POLD1: variants seen among roughly 807,000 people sequenced by gnomAD.
POLD1 encodes DNA polymerase delta 1, catalytic subunit.
Under a neutral mutation model 129.7 loss-of-function variants are expected in POLD1, and 79 were observed. The ratio of observed to expected loss-of-function variants is 0.61; its 90% CI spans 0.51 to 0.73. POLD1 has a LOEUF of 0.73. Ranked by LOEUF, POLD1 falls within the 30% of genes least tolerant of loss-of-function variation. POLD1 has a pLI of 0.00. For synonymous variants in POLD1, 714 were observed against 683.3 expected (o/e 1.04, Z -0.70); for missense variants, 1,338 against 1,595.8 (o/e 0.84, Z 2.75).
At position 50,398,807 on chromosome 19, in the gene POLD1, T is replaced by C. The variant is rs3219364; in HGVS notation, c.-1-44T>C. The C allele has an allele frequency of 8.5e-4, 1,347 of 1,585,054 alleles. 24 individuals are homozygous for C. In the South Asian group the frequency reaches 0.014, roughly 17 times the overall value. The stretch of plus-strand genomic sequence containing the variant: ...GATGCCATGGAGACAGGGTAAGAGG[T>C]GTCTCCGGTCAGAACCTCCACCAAG... On this transcript the variant is annotated intron_variant, in intron 1 of 26. Coordinates refer to ENST00000440232, the MANE Select transcript of POLD1 (RefSeq NM_002691.4).
intron 10 of POLD1, among the ~76,000 whole-genome samples, chr19:50,404,091 C>T (rs975481790): frequency 2.0e-5 from 3 of 152,094 alleles, no homozygotes; most frequent in East Asian, 1.9e-4. Context: ...ATTGTCTCAC[C>T]GTCCTGAAGG....
In POLD1 at chr19:50,413,313, T is replaced by C; in HGVS notation, c.2155-113T>C. 3 of 835,250 alleles carry C rather than the reference T, an allele frequency of 3.6e-6. No individual in the cohort carries two copies. In the South Asian group the frequency reaches 4.8e-5, roughly 13 times the overall value. 51.7% of individuals were successfully genotyped at this position (835,250 alleles called of 1,614,324 possible). The stretch of plus-strand genomic sequence containing the variant: ...GGCCCAGGAGGGGCAGAGTGGCTTG[T>C]ACATAAGCCTATGCCACTGGGAAAT... On this transcript the variant is annotated intron_variant, in intron 17 of 26. Coordinates refer to ENST00000440232, the MANE Select transcript of POLD1 (RefSeq NM_002691.4).
rs552399406 is a variant in POLD1, at chr19:50,414,806, C to T, written c.2389-9C>T. ...CAGGCTCAGGGTCTTGGCCATGGCT[C>T]CCTCCCAGGTCTACTTCCCATACCT... On this transcript the variant is annotated splice_polypyrimidine_tract_variant and intron_variant, in intron 19 of 26. Transcript: ENST00000440232. 4 of 1,521,742 alleles carry T rather than the reference C, an allele frequency of 2.6e-6. No homozygotes were observed. Among genetic ancestry groups the T allele is most frequent in the Admixed American group, 4.0e-5 (2 of 50,140 alleles). 94.3% of individuals were successfully genotyped at this position (1,521,742 alleles called of 1,614,324 possible). A position where few individuals can be genotyped will look rare whatever the true frequency, so the allele number is the denominator to read the frequency against.
At chr19:50,401,685 A>C (rs1354317674) in intron 3 of POLD1, 93 bp from the exon 4 acceptor site, 7 of 1,409,274 alleles carry the variant, frequency 5.0e-6, no homozygotes, top group Non-Finnish European at 6.9e-6. Context: ...GGAGTGCCCC[A>C]GGCTGCAGGC....
Position 50,417,983 on chromosome 19 carries a change from G to A in POLD1, c.*36G>A, listed in dbSNP as rs1276532821. On this transcript the variant is annotated 3_prime_UTR_variant, in exon 27 of 27. Coordinates refer to ENST00000440232, the MANE Select transcript of POLD1 (RefSeq NM_002691.4). Reference sequence around the variant, plus strand: ...ATCCCATGGGGCGGGGGCGGGACCAGGGAGAATTAATAAAGTTCTGGACTT... The same window carrying A: ...ATCCCATGGGGCGGGGGCGGGACCAAGGAGAATTAATAAAGTTCTGGACTT... 1.6e-6 allele frequency: 2 copies of A among 1,278,126 alleles called. No individual in the cohort carries two copies. The highest frequency in any genetic ancestry group is 1.1e-6 in the Non-Finnish European group (1 of 888,318). The allele number at this position is 1,278,126 out of a possible 1,614,324, so 79.2% of individuals were successfully genotyped here. A position where few individuals can be genotyped will look rare whatever the true frequency, so the allele number is the denominator to read the frequency against.
At position 50,390,506 on chromosome 19, in the gene POLD1, C is replaced by G. The variant is rs529342372; in HGVS notation, c.-2+6116C>G. Among the ~76,000 whole-genome samples the G allele has an allele frequency of 5.0e-3, 766 of 152,078 alleles. 6 individuals are homozygous for G. Among genetic ancestry groups the G allele is most frequent in the African/African-American group, 0.017 (703 of 41,482 alleles). ...GACTGGAACAGAGCCTGGGCTGTTT[C>G]AGCCAGTCCCTCCTTATCTCAGGAT... On this transcript the variant is annotated intron_variant, in intron 1 of 26. Coordinates refer to ENST00000440232, the MANE Select transcript of POLD1 (RefSeq NM_002691.4).
rs868146189 is a variant in POLD1 at position 50,415,767 on chromosome 19, C to A, written c.2761C>A (p.Arg921Ser). The change falls in exon 22 of 27, where the codon CGC (arginine) becomes AGC (serine). Residue 921 changes from arginine to serine, a missense_variant. Coordinates refer to ENST00000440232, the MANE Select transcript of POLD1 (RefSeq NM_002691.4). Reference protein sequence around the residue: ...DPGSAPSLGDRVPYVIISAAK... With the variant: ...DPGSAPSLGDSVPYVIISAAK... ...CGGGAGTGCGCCCAGCCTGGGCGAC[C>A]GCGTCCCCTACGTGATCATCAGTGC... 6.4e-7 allele frequency: 1 copy of A among 1,571,090 alleles called. No individual in the cohort carries two copies. The highest frequency in any genetic ancestry group is 8.6e-7 in the Non-Finnish European group (1 of 1,160,882).
intron 1 of POLD1, among the ~76,000 whole-genome samples, chr19:50,385,670 G>C (rs889721548): frequency 6.6e-6 from 1 of 151,570 alleles, no homozygotes; most frequent in Non-Finnish European, 1.5e-5. Flanking sequence ...CTGGGATTAC[G>C]GCACCCACTG....
chr19:50,395,324 G>A (rs997143141), intron 1 of POLD1, among the ~76,000 whole-genome samples: 5 of 151,642 alleles, frequency 3.3e-5, no homozygotes, highest in African/African-American at 7.3e-5. Context: ...GGCCGGGCGC[G>A]GTGGCTCACA....
At chr19:50,389,887 GTTT>G (rs111716675) in intron 1 of POLD1, among the ~76,000 whole-genome samples, 7,868 of 141,358 alleles carry the variant, frequency 0.056, 687 homozygotes, top group African/African-American at 0.19. Context: ...TGTCCAGCCT[GTTT>G]TTTTTTTTGT....
intron 1 of POLD1, among the ~76,000 whole-genome samples, chr19:50,393,118 G>A (rs1266890596): frequency 6.6e-6 from 1 of 152,142 alleles, no homozygotes; most frequent in African/African-American, 2.4e-5. Context: ...GTCCCTAGAT[G>A]TGGAATTGAG....
intron 24 of POLD1, 135 bp downstream of exon 24, chr19:50,416,858 T>C: frequency 1.1e-6 from 1 of 932,174 alleles, no homozygotes. Flanking sequence ...GGCCCCTGTC[T>C]CCACCCCCCA....
chr19:50,393,656 A>C (rs889722987), intron 1 of POLD1, among the ~76,000 whole-genome samples: 2 of 152,208 alleles, frequency 1.3e-5, no homozygotes, highest in African/African-American at 4.8e-5. Context: ...ACAGAGTGAG[A>C]TCCTGTCTCA....
intron 3 of POLD1, among the ~76,000 whole-genome samples, chr19:50,400,237 T>A (rs1321693051): frequency 2.1e-5 from 3 of 139,788 alleles, no homozygotes; most frequent in Non-Finnish European, 4.6e-5. Flanking sequence ...TTTTTTTTTT[T>A]AAGATGGAGT....
chr19:50,398,700 C>T, intron 1 of POLD1, 151 bp from the exon 2 acceptor site: 2 of 1,301,238 alleles, frequency 1.5e-6, no homozygotes, highest in Non-Finnish European at 2.1e-6. Context: ...GCTCCCACCC[C>T]ACTGCCTGCA....
intron 17 of POLD1, among the ~76,000 whole-genome samples, chr19:50,410,750 C>T (rs2122405509): frequency 6.6e-6 from 1 of 152,170 alleles, no homozygotes; most frequent in Admixed American, 6.5e-5. Context: ...CAGAGGCTCT[C>T]ACCCAAGCTT....
intron 3 of POLD1, 139 bp downstream of exon 3, chr19:50,399,623 G>A: frequency 4.6e-6 from 3 of 654,728 alleles, no homozygotes; most frequent in Non-Finnish European, 8.3e-6. Flanking sequence ...CCCTCTGGTT[G>A]CCATAGAGCT....
chr19:50,406,955 C>A lies in POLD1; in HGVS notation c.1495-28C>A. On this transcript the variant is annotated intron_variant, in intron 12 of 26. Coordinates refer to ENST00000440232, the MANE Select transcript of POLD1 (RefSeq NM_002691.4). The surrounding 1 kb of genome is among the most constrained non-coding windows in gnomAD (Gnocchi z 5.5). ...CCACCTCCCACCCCCAACCCCTGGT[C>A]CCTGACCCCATCCGTGCCCATCCCC... 3.6e-6 allele frequency: 5 copies of A among 1,372,422 alleles called. No individual in the cohort carries two copies. The highest frequency in any genetic ancestry group is 5.0e-6 in the Non-Finnish European group (5 of 996,650). The allele number at this position is 1,372,422 out of a possible 1,614,324, so 85.0% of individuals were successfully genotyped here. A position where few individuals can be genotyped will look rare whatever the true frequency, so the allele number is the denominator to read the frequency against.
At chr19:50,390,635 G>A (rs2038125457) in intron 1 of POLD1, among the ~76,000 whole-genome samples, 1 of 151,570 alleles carries the variant, frequency 6.6e-6, no homozygotes, top group East Asian at 1.9e-4. Context: ...GGGGGATTTG[G>A]CAGGGTCATA....
Sources: allele counts gnomAD v4.1 joint callset (sites outside exome capture counted in the v4.1 genomes callset), GRCh38; gene constraint gnomAD v4.1.1; non-coding constraint Gnocchi (gnomAD v3.1); transcripts MANE v1.5; gene names NCBI Gene and HGNC (gene_info 2026-07-23, HGNC 2026-07-21).